The following CD3G variants were observed in gnomAD, a reference collection of about 807,000 sequenced individuals.
CD3G encodes the protein T-cell surface glycoprotein CD3 gamma chain.
Under a neutral mutation model 28.3 loss-of-function variants are expected in CD3G, and 24 were observed. That is an observed-to-expected ratio of 0.85 (90% CI 0.61 to 1.19). CD3G has a LOEUF of 1.19. Among genes scored for constraint, CD3G ranks in the 50% most tolerant of loss-of-function variants. The probability of loss-of-function intolerance (pLI) is 0.00; values close to 1 mark genes in which losing one functional copy is unlikely to be tolerated. For synonymous variants in CD3G, 71 were observed against 75.9 expected (o/e 0.93, Z 0.34); for missense variants, 211 against 210.0 (o/e 1.00, Z -0.03).
intron 5 of CD3G, among the ~76,000 whole-genome samples, 172 bp from the exon 6 acceptor site, chr11:118,352,232 G>A (rs1459666674): frequency 2.0e-5 from 3 of 151,382 alleles, no homozygotes; most frequent in African/African-American, 7.3e-5. Context: ...AAAAAAGAGA[G>A]AGAGAGAAAA....
In CD3G at chr11:118,354,202, AC is replaced by A. The variant is rs1376244097; in HGVS notation, c.*1104del. The A allele has an allele frequency of 6.6e-6, 1 of 152,088 alleles. No homozygotes were observed. Among genetic ancestry groups the A allele is most frequent in the Non-Finnish European group, 1.5e-5 (1 of 68,014 alleles). The allele number at this position is 152,088 out of a possible 1,614,324, so 9.4% of individuals were successfully genotyped here. ...AAATCCACCCATCTTAAGTGATTTCACCTGTTCTCAGAAATTTTTAGTAAAT... is the reference window on the plus strand; with the variant it reads ...AAATCCACCCATCTTAAGTGATTTCACTGTTCTCAGAAATTTTTAGTAAAT... On this transcript the variant is annotated 3_prime_UTR_variant, in exon 7 of 7. Coordinates refer to ENST00000532917, the MANE Select transcript of CD3G (RefSeq NM_000073.3).
At chr11:118,349,638 C>T (rs1948387304) in intron 2 of CD3G, 105 bp from the exon 3 acceptor site, 3 of 889,790 alleles carry the variant, frequency 3.4e-6, no homozygotes, top group African/African-American at 3.3e-5. Flanking sequence ...TTCATGTGCA[C>T]ATCAAAGTTT....
intron 5 of CD3G, among the ~76,000 whole-genome samples, chr11:118,352,087 G>A (rs975606402): frequency 1.6e-4 from 24 of 151,908 alleles, no homozygotes; most frequent in African/African-American, 5.6e-4. Context: ...GTGGAGGCGC[G>A]CGCCTGTAGT....
At chr11:118,352,570 T>C (rs1948419956) in intron 6 of CD3G, 83 bp downstream of exon 6, 3 of 902,848 alleles carry the variant, frequency 3.3e-6, no homozygotes, top group Non-Finnish European at 3.7e-6. Flanking sequence ...CTCCCTTCCC[T>C]AAGCGGCTAT....
intron 4 of CD3G, among the ~76,000 whole-genome samples, chr11:118,351,186 C>CA (rs34109639): frequency 0.39 from 27,662 of 70,124 alleles, 5,082 homozygotes; most frequent in East Asian, 0.55. Context: ...GACTCCGTCT[C>CA]AAAAAAAAAA....
chr11:118,350,898 A>AAAC (rs1948403060), intron 4 of CD3G: 3 of 1,235,800 alleles, frequency 2.4e-6, no homozygotes, highest in Non-Finnish European at 3.1e-6. Context: ...TGAAAAAAAA[A>AAAC]AAAAACAAAA....
chr11:118,350,530 T>C, intron 3 of CD3G, 22 bp from the exon 4 acceptor site: 1 of 1,583,946 alleles, frequency 6.3e-7, no homozygotes, highest in Non-Finnish European at 8.7e-7. Flanking sequence ...ACCTGAAGGT[T>C]TGTCTCTCCT....
rs1948431354 is a variant in CD3G, at chr11:118,354,045, T to C, written c.*945T>C. On this transcript the variant is annotated 3_prime_UTR_variant, in exon 7 of 7. Transcript: ENST00000532917. The stretch of plus-strand genomic sequence containing the variant: ...AATAGACTATGATTTATTTAACCTG[T>C]TATCTATCAGTGGATATTTAAGTTG... The C allele has an allele frequency of 6.6e-6, 1 of 152,204 alleles. No individual in the cohort carries two copies. The highest frequency in any genetic ancestry group is 2.1e-4 in the South Asian group (1 of 4,832). The allele number at this position is 152,204 out of a possible 1,614,324, so 9.4% of individuals were successfully genotyped here.
At chr11:118,350,889 G>C in intron 4 of CD3G, 3 of 628,664 alleles carry the variant, frequency 4.8e-6, no homozygotes, top group Non-Finnish European at 3.9e-6. Flanking sequence ...CTCCCTCTGT[G>C]AAAAAAAAAA....
chr11:118,348,980 A>C, intron 1 of CD3G, 47 bp from the exon 2 acceptor site: 2 of 1,607,388 alleles, frequency 1.2e-6, no homozygotes, highest in Non-Finnish European at 1.7e-6. Context: ...GGGCATCTGA[A>C]CAACTCCATG....
At chr11:118,347,424 A>C (rs1437182117) in intron 1 of CD3G, among the ~76,000 whole-genome samples, 1 of 152,170 alleles carries the variant, frequency 6.6e-6, no homozygotes, top group Non-Finnish European at 1.5e-5. Context: ...TATATGTTTT[A>C]ATTTTTTCAC....
chr11:118,346,961 T>C (rs894033587), intron 1 of CD3G, among the ~76,000 whole-genome samples: 6 of 152,204 alleles, frequency 3.9e-5, no homozygotes, highest in African/African-American at 1.4e-4. Flanking sequence ...CCTCTTTAAC[T>C]GTTTGTCTTG....
chr11:118,354,108 G>A lies in CD3G; in HGVS notation c.*1008G>A, dbSNP rs1948431567. The A allele has an allele frequency of 6.6e-6, 1 of 151,984 alleles. No homozygotes were observed. The highest frequency in any genetic ancestry group is 2.4e-5 in the African/African-American group (1 of 41,354). The allele number at this position is 151,984 out of a possible 1,614,324, so 9.4% of individuals were successfully genotyped here. On this transcript the variant is annotated 3_prime_UTR_variant, in exon 7 of 7. Coordinates refer to ENST00000532917, the MANE Select transcript of CD3G (RefSeq NM_000073.3). ...AATCTTTTGCTCTTACAACAATTCT[G>A]CAATGACTAACATTGTATAAATATC...
At position 118,355,125 on chromosome 11, in the gene CD3G, A is replaced by C. The variant is rs1210077740; in HGVS notation, c.*2025A>C. On this transcript the variant is annotated 3_prime_UTR_variant, in exon 7 of 7. Transcript: ENST00000532917. ...TGTGATTTTGAACATACATAAGACT[A>C]TTTGTAACAAACACAAATAAATTGA... 3 of 151,946 alleles carry C rather than the reference A, an allele frequency of 2.0e-5. No homozygotes were observed. The highest frequency in any genetic ancestry group is 2.9e-5 in the Non-Finnish European group (2 of 67,944). The allele number at this position is 151,946 out of a possible 1,614,324, so 9.4% of individuals were successfully genotyped here.
At chr11:118,351,259 CA>C (rs57466900) in intron 4 of CD3G, among the ~76,000 whole-genome samples, 28,727 of 147,300 alleles carry the variant, frequency 0.2, 3,309 homozygotes, top group East Asian at 0.51. Flanking sequence ...GCATACAGCT[CA>C]AAAAAAAAAT....
chr11:118,350,233 G>C (rs1948393988), intron 3 of CD3G: 1 of 572,392 alleles, frequency 1.7e-6, no homozygotes, highest in African/African-American at 1.9e-5. Context: ...TTGAATGAAG[G>C]GGTTGGGGAG....
At chr11:118,348,636 C>T (rs1948378058) in intron 1 of CD3G, among the ~76,000 whole-genome samples, 1 of 152,150 alleles carries the variant, frequency 6.6e-6, no homozygotes. Flanking sequence ...GGATCCCTTC[C>T]TGGGGCTGAT....
chr11:118,348,629 T>A (rs1948377916), intron 1 of CD3G, among the ~76,000 whole-genome samples: 1 of 152,176 alleles, frequency 6.6e-6, no homozygotes, highest in Non-Finnish European at 1.5e-5. Flanking sequence ...ATCTCTAGGA[T>A]CCCTTCCTGG....
intron 4 of CD3G, among the ~76,000 whole-genome samples, chr11:118,351,083 G>C (rs1948405828): frequency 6.6e-6 from 1 of 150,850 alleles, no homozygotes; most frequent in African/African-American, 2.4e-5. Context: ...AGCTACTCTG[G>C]AGGCTGAGGC....
Sources: allele counts gnomAD v4.1 joint callset (sites outside exome capture counted in the v4.1 genomes callset), GRCh38; gene constraint gnomAD v4.1.1; transcripts MANE v1.5; gene names NCBI Gene and HGNC (gene_info 2026-07-23, HGNC 2026-07-21).